SCGB2B2: variants seen among roughly 807,000 people sequenced by gnomAD.
SCGB2B2 encodes secretoglobin-like protein.
Under a neutral mutation model 7.6 loss-of-function variants are expected in SCGB2B2, and 11 were observed. That is an observed-to-expected ratio of 1.45 (90% CI 0.91 to 2.40). The LOEUF is 2.40. Ranked by LOEUF, SCGB2B2 falls within the 30% of genes most tolerant of loss-of-function variation. The probability of loss-of-function intolerance (pLI) is 0.00; values close to 1 mark genes in which losing one functional copy is unlikely to be tolerated. For missense variants in SCGB2B2, 104 were observed against 115.4 expected (o/e 0.90, Z 0.45); for synonymous variants, 50 against 48.6 (o/e 1.03, Z -0.12).
At chr19:34,594,411 A>G in intron 2 of SCGB2B2, 52 bp from the exon 3 acceptor site, 1 of 1,602,040 alleles carries the variant, frequency 6.2e-7, no homozygotes, top group Admixed American at 1.7e-5. Flanking sequence ...AATTCAGCGA[A>G]ACCTCCCATG....
intron 1 of SCGB2B2, among the ~76,000 whole-genome samples, chr19:34,609,353 T>TTTTG (rs1011330024): frequency 1.3e-5 from 2 of 152,094 alleles, no homozygotes; most frequent in Admixed American, 1.3e-4. Flanking sequence ...TTTTTTCTTT[T>TTTTG]TTTGTTTGTG....
chr19:34,670,218 G>A (rs2067766737), intron 1 of SCGB2B2, among the ~76,000 whole-genome samples: 3 of 152,288 alleles, frequency 2.0e-5, no homozygotes, highest in Middle Eastern at 3.4e-3. Context: ...AGTCTCCAGA[G>A]CCAGCAAACT....
chr19:34,668,947 G>A (rs1217867127), intron 1 of SCGB2B2, among the ~76,000 whole-genome samples: 3 of 152,170 alleles, frequency 2.0e-5, no homozygotes, highest in Admixed American at 6.5e-5. Context: ...AGCCAGCAGT[G>A]GCAACCAGCT....
At chr19:34,635,936 C>T (rs2066663448) in intron 1 of SCGB2B2, among the ~76,000 whole-genome samples, 1 of 152,232 alleles carries the variant, frequency 6.6e-6, no homozygotes, top group Non-Finnish European at 1.5e-5. Context: ...TTGTCTCCCA[C>T]ATGCCCCCCG....
At chr19:34,640,390 T>A (rs2066807439) in intron 1 of SCGB2B2, 1 of 152,190 alleles carries the variant, frequency 6.6e-6, no homozygotes, top group South Asian at 2.1e-4. Context: ...GGATTACAGG[T>A]GTGAGCCCCT....
chr19:34,624,874 TCTAGAAG>T (rs2066327469), intron 1 of SCGB2B2, among the ~76,000 whole-genome samples: 1 of 152,152 alleles, frequency 6.6e-6, no homozygotes, highest in Non-Finnish European at 1.5e-5. Flanking sequence ...TGGCAGCCAC[TCTAGAAG>T]CTTTTAATAG....
At chr19:34,638,816 G>A (rs1395790416) in intron 1 of SCGB2B2, among the ~76,000 whole-genome samples, 1 of 152,152 alleles carries the variant, frequency 6.6e-6, no homozygotes, top group African/African-American at 2.4e-5. Context: ...TCTGGAGATT[G>A]GGTCTTCTGG....
chr19:34,641,377 G>A (rs1256814750), intron 1 of SCGB2B2, among the ~76,000 whole-genome samples: 2 of 152,146 alleles, frequency 1.3e-5, no homozygotes, highest in African/African-American at 2.4e-5. Context: ...TGTGAATTCC[G>A]TGCTGAGGCC....
chr19:34,615,503 T>TTA (rs2066048091), intron 1 of SCGB2B2, among the ~76,000 whole-genome samples: 1 of 151,958 alleles, frequency 6.6e-6, no homozygotes, highest in African/African-American at 2.4e-5. Context: ...AGAGTTTCTG[T>TTA]GACTTTTCTG....
intron 1 of SCGB2B2, among the ~76,000 whole-genome samples, chr19:34,615,226 TGGAA>T (rs966467329): frequency 6.6e-6 from 1 of 152,162 alleles, no homozygotes; most frequent in African/African-American, 2.4e-5. Context: ...GCTTCTTCTC[TGGAA>T]GGAACACAGC....
intron 1 of SCGB2B2, among the ~76,000 whole-genome samples, chr19:34,631,178 C>T (rs377547381): frequency 1.4e-4 from 22 of 151,830 alleles, no homozygotes; most frequent in Admixed American, 9.2e-4. Context: ...GACGAGTTAA[C>T]GGGTGCAGCA....
intron 1 of SCGB2B2, among the ~76,000 whole-genome samples, chr19:34,625,684 C>A (rs1401910513): frequency 6.6e-5 from 10 of 152,222 alleles, no homozygotes; most frequent in Admixed American, 6.5e-4. Context: ...GTAGACTCCA[C>A]CTCTAGGGGC....
chr19:34,594,085 TG>T, intron 3 of SCGB2B2, 89 bp downstream of exon 3: 1 of 1,085,768 alleles, frequency 9.2e-7, no homozygotes, highest in Non-Finnish European at 1.4e-6. Flanking sequence ...GCTTAAAACG[TG>T]GAAAGCAGGA....
At chr19:34,604,717 T>G in intron 1 of SCGB2B2, among the ~76,000 whole-genome samples, 1 of 152,350 alleles carries the variant, frequency 6.6e-6, no homozygotes, top group Middle Eastern at 3.4e-3. Context: ...GAGATCTACT[T>G]TATACTCTAA....
At chr19:34,651,255 T>C (rs137978299) in intron 1 of SCGB2B2, among the ~76,000 whole-genome samples, 2,194 of 151,256 alleles carry the variant, frequency 0.015, 177 homozygotes, top group Admixed American at 0.12. Context: ...GCCAGAGTGA[T>C]TAGGCAAGAA....
intron 1 of SCGB2B2, among the ~76,000 whole-genome samples, chr19:34,601,256 T>C (rs1218084284): frequency 6.6e-6 from 1 of 152,250 alleles, no homozygotes; most frequent in Non-Finnish European, 1.5e-5. Context: ...TTTGTCTGTC[T>C]CTATGCCAAT....
Position 34,594,295 on chromosome 19 carries a change from G to T in SCGB2B2, c.126C>A (p.Leu42=), listed in dbSNP as rs758009750. The change falls in exon 3 of 4, where the codon CTC becomes CTA. Residue 42 remains leucine, a synonymous_variant. Coordinates refer to ENST00000601241, the MANE Select transcript of SCGB2B2 (RefSeq NM_001025591.4). ...TGTAACGAGCAAGCTCCTCCTTCAG[G>T]AGGTCTTGGGACACATCAAACACAA... ...ANVVFDVSQD[L]LKEELARYNP... is the part of the protein sequence containing the mutation. 129 of 1,614,006 alleles carry T rather than the reference G, an allele frequency of 8.0e-5. No homozygotes were observed. Among genetic ancestry groups the T allele is most frequent in the Non-Finnish European group, 5.7e-5 (67 of 1,180,000 alleles).
At chr19:34,593,830 G>A (rs2065363313) in intron 3 of SCGB2B2, among the ~76,000 whole-genome samples, 1 of 152,034 alleles carries the variant, frequency 6.6e-6, no homozygotes, top group Non-Finnish European at 1.5e-5. Context: ...GGCATGGGGT[G>A]TGTGTGTTGC....
At chr19:34,585,698 AAAG>A (rs2065178783), downstream of SCGB2B2, among the ~76,000 whole-genome samples, 1 of 152,202 alleles carries the variant, frequency 6.6e-6, no homozygotes, top group African/African-American at 2.4e-5. Context: ...GTTGAAGACG[AAAG>A]AATAGGGAGT....
Sources: allele counts gnomAD v4.1 joint callset (sites outside exome capture counted in the v4.1 genomes callset), GRCh38; gene constraint gnomAD v4.1.1; transcripts MANE v1.5; gene names NCBI Gene and HGNC (gene_info 2026-07-23, HGNC 2026-07-21).